The following NOS1AP variants were observed in gnomAD, a reference collection of about 807,000 sequenced individuals.
The protein encoded by NOS1AP is carboxyl-terminal PDZ ligand of neuronal nitric oxide synthase protein.
A neutral mutation model predicts 56.2 loss-of-function variants in NOS1AP; 21 were observed. That is an observed-to-expected ratio of 0.37 (90% CI 0.26 to 0.54). The LOEUF (loss-of-function observed/expected upper bound fraction) is 0.54. NOS1AP is among the 20% of genes least tolerant of loss of function. NOS1AP has a pLI of 0.84. For synonymous variants in NOS1AP, 270 were observed against 274.6 expected, an observed-to-expected ratio of 0.98 and a Z score of 0.17; for missense variants, 522 against 657.8, an observed-to-expected ratio of 0.79 and a Z score of 2.26.
chr1:162,366,208 C>A (rs1658080188), intron 9 of NOS1AP, among the ~76,000 whole-genome samples: 1 of 152,266 alleles, frequency 6.6e-6, no homozygotes, highest in Middle Eastern at 3.4e-3. Flanking sequence ...CCTCTTGAGC[C>A]TTTCCGTGGG....
intron 2 of NOS1AP, among the ~76,000 whole-genome samples, chr1:162,160,539 A>T (rs1370745949): frequency 6.6e-6 from 1 of 152,088 alleles, no homozygotes; most frequent in African/African-American, 2.4e-5. Flanking sequence ...GTGTTTCCTT[A>T]CCCACCAGCA....
At chr1:162,323,781 C>T (rs1031946140) in intron 4 of NOS1AP, among the ~76,000 whole-genome samples, 3 of 152,188 alleles carry the variant, frequency 2.0e-5, no homozygotes, top group Non-Finnish European at 4.4e-5. Flanking sequence ...AGAGTATTAA[C>T]TTGTTTTGAG....
At chr1:162,187,602 T>TA in intron 2 of NOS1AP, among the ~76,000 whole-genome samples, 1 of 152,250 alleles carries the variant, frequency 6.6e-6, no homozygotes, top group Non-Finnish European at 1.5e-5. Flanking sequence ...CCTCCAGTAT[T>TA]ATACCCTCTG....
chr1:162,333,264 C>T (rs1408309538), intron 5 of NOS1AP, 139 bp downstream of exon 5: 3 of 700,514 alleles, frequency 4.3e-6, no homozygotes, highest in African/African-American at 1.8e-5. Flanking sequence ...GTCATTGCTC[C>T]TATATAATGG....
chr1:162,364,853 T>C, intron 8 of NOS1AP: 1 of 992,378 alleles, frequency 1.0e-6, no homozygotes, highest in Non-Finnish European at 1.2e-6. Context: ...GTGCTTCCTA[T>C]TTCTCACTAT....
intron 2 of NOS1AP, among the ~76,000 whole-genome samples, chr1:162,253,073 T>G (rs1169273419): frequency 1.3e-5 from 2 of 152,208 alleles, no homozygotes; most frequent in African/African-American, 2.4e-5. Context: ...TATTAAGAGG[T>G]GAGACCTTTA....
chr1:162,081,774 A>ATATTTTTTTTTTTTT, intron 1 of NOS1AP, among the ~76,000 whole-genome samples: 12 of 44,052 alleles, frequency 2.7e-4, no homozygotes, highest in Admixed American at 6.3e-4. Flanking sequence ...ATATATATAT[A>ATATTTTTTTTTTTTT]TTTTTTTTTT....
intron 1 of NOS1AP, among the ~76,000 whole-genome samples, chr1:162,124,507 G>GTGTGTGT (rs77245896): frequency 0.023 from 3,397 of 150,606 alleles, 145 homozygotes; most frequent in African/African-American, 0.079. Context: ...GTGTGTGTGT[G>GTGTGTGT]ACACACACAC....
chr1:162,271,226 C>T (rs1374010813), intron 2 of NOS1AP, among the ~76,000 whole-genome samples: 3 of 150,180 alleles, frequency 2.0e-5, no homozygotes, highest in Admixed American at 1.3e-4. Flanking sequence ...CCAGTGATGG[C>T]ACCCCCAACC....
intron 5 of NOS1AP, among the ~76,000 whole-genome samples, chr1:162,335,584 C>T (rs1656912132): frequency 6.6e-6 from 1 of 152,130 alleles, no homozygotes; most frequent in South Asian, 2.1e-4. Flanking sequence ...GGGGAAAGGA[C>T]TATAGAGGAC....
At chr1:162,244,693 A>G (rs1189073586) in intron 2 of NOS1AP, among the ~76,000 whole-genome samples, 1 of 152,064 alleles carries the variant, frequency 6.6e-6, no homozygotes, top group Non-Finnish European at 1.5e-5. Flanking sequence ...GTTGTGGGGG[A>G]CATTGTATGA....
chr1:162,251,602 A>ATGTGTG lies in NOS1AP; in HGVS notation c.178-35716_178-35711dup, dbSNP rs35955567. Among the ~76,000 whole-genome samples the ATGTGTG allele has an allele frequency of 1.1e-3, 165 of 146,282 alleles. 1 individual carries two copies. The South Asian group carries it at 0.018, about 16-fold the overall frequency. ...GGCTGGGTTTATTTAAAATATATAT[A>ATGTGTG]TGTGTGTGTGTGTGTGTGTGTGTGT... is the stretch of plus-strand genomic sequence containing the variant. On this transcript the variant is annotated intron_variant, in intron 2 of 9. Transcript: ENST00000361897.
rs1191631343 is a variant in NOS1AP at position 162,261,517 on chromosome 1, AG to A, written c.178-25826del. Among the ~76,000 whole-genome samples the A allele has an allele frequency of 4.4e-4, 12 of 27,204 alleles. 4 individuals are homozygous for A. The highest frequency in any genetic ancestry group is 6.8e-4 in the African/African-American group (6 of 8,788). The allele number at this position is 27,204 out of a possible 152,430, so 17.8% of individuals were successfully genotyped here. A position where few individuals can be genotyped will look rare whatever the true frequency, so the allele number is the denominator to read the frequency against. ...GAGAGAGAGAGAGAGAGAGAGAGAG[AG>A]AGAGAGAGAGAGAGAGAGAGAGAGA... is the stretch of plus-strand genomic sequence containing the variant. On this transcript the variant is annotated intron_variant, in intron 2 of 9. Coordinates refer to ENST00000361897, the MANE Select transcript of NOS1AP (RefSeq NM_014697.3).
At chr1:162,116,700 G>A (rs1647971139) in intron 1 of NOS1AP, among the ~76,000 whole-genome samples, 1 of 152,198 alleles carries the variant, frequency 6.6e-6, no homozygotes, top group African/African-American at 2.4e-5. Flanking sequence ...GGCATGCAGA[G>A]GATGGGTACA....
chr1:162,261,860 A>G (rs1466876013), intron 2 of NOS1AP, among the ~76,000 whole-genome samples: 1 of 152,180 alleles, frequency 6.6e-6, no homozygotes, highest in Non-Finnish European at 1.5e-5. Flanking sequence ...TAAACAGATG[A>G]TTGTAATCCA....
intron 2 of NOS1AP, among the ~76,000 whole-genome samples, chr1:162,182,109 G>A (rs1651283965): frequency 6.6e-6 from 1 of 152,180 alleles, no homozygotes; most frequent in Non-Finnish European, 1.5e-5. Flanking sequence ...AGGGTCTGGA[G>A]AGATTTGAAC....
intron 5 of NOS1AP, among the ~76,000 whole-genome samples, chr1:162,335,945 T>C (rs1286231885): frequency 6.6e-6 from 1 of 152,202 alleles, no homozygotes; most frequent in Non-Finnish European, 1.5e-5. Flanking sequence ...TCTGTACCTA[T>C]GGATCTTCCT....
chr1:162,198,873 C>T (rs747916667), intron 2 of NOS1AP, among the ~76,000 whole-genome samples: 8 of 152,068 alleles, frequency 5.3e-5, no homozygotes, highest in East Asian at 1.9e-4. Context: ...GCTTCTGAGG[C>T]GAGAGAGAGG....
rs528769988 is a variant in NOS1AP, at chr1:162,069,905, C to T, written c.-273C>T. ...GGCAGGGGCGCCGCGCAGCCCGCTC[C>T]CGCCGCCACCTCCTCCCCTGCCGCC... On this transcript the variant is annotated 5_prime_UTR_variant, in exon 1 of 10. Coordinates refer to ENST00000361897, the MANE Select transcript of NOS1AP (RefSeq NM_014697.3). 0.014 allele frequency: 2,533 copies of T among 184,708 alleles called. 79 individuals are homozygous for T. The highest frequency in any genetic ancestry group is 0.057 in the African/African-American group (2,418 of 42,380). 11.4% of individuals were successfully genotyped at this position (184,708 alleles called of 1,614,324 possible). A position where few individuals can be genotyped will look rare whatever the true frequency, so the allele number is the denominator to read the frequency against.
Sources: gnomAD v4.1 joint callset for allele counts (sites outside exome capture counted in the v4.1 genomes callset) on GRCh38, gnomAD v4.1.1 for gene constraint, MANE v1.5 for transcripts, NCBI Gene and HGNC (gene_info 2026-07-23, HGNC 2026-07-21) for gene names.